The following RAB4A variants were observed in gnomAD, a reference collection of about 807,000 sequenced individuals.
RAB4A encodes the protein RAB4A, member RAS oncogene family.
A neutral mutation model predicts 34.5 loss-of-function variants in RAB4A; 20 were observed. The observed-to-expected ratio is 0.58, with a 90% CI of 0.41 to 0.84. The LOEUF is 0.84. RAB4A is among the 40% of genes least tolerant of loss of function. The pLI, the probability that RAB4A is intolerant of heterozygous loss-of-function variation, is 0.00. For missense variants in RAB4A, 228 were observed against 274.5 expected, an observed-to-expected ratio of 0.83 and a Z score of 1.20; for synonymous variants, 102 against 100.0, an observed-to-expected ratio of 1.02 and a Z score of -0.12.
intron 1 of RAB4A, among the ~76,000 whole-genome samples, chr1:229,274,051 T>C (rs1332703295): frequency 8.3e-5 from 2 of 24,152 alleles, no homozygotes; most frequent in Non-Finnish European, 1.6e-4. Context: ...TTGTTTCCCT[T>C]TTTTTTTTTT....
chr1:229,299,251 A>G (rs237778), intron 6 of RAB4A, among the ~76,000 whole-genome samples, 179 bp downstream of exon 6: 98,770 of 152,098 alleles, frequency 0.65, 32,317 homozygotes, highest in African/African-American at 0.71. Context: ...TGAAAGCCCC[A>G]TCCTTATCAG....
rs1315351700 is a variant in RAB4A at position 229,286,574 on chromosome 1, T to C, written c.112+8T>C. The C allele has an allele frequency of 6.6e-7, 1 of 1,525,496 alleles. No individual in the cohort carries two copies. Among genetic ancestry groups the C allele is most frequent in the African/African-American group, 1.4e-5 (1 of 71,642 alleles). 94.5% of individuals were successfully genotyped at this position (1,525,496 alleles called of 1,614,324 possible). A position where few individuals can be genotyped will look rare whatever the true frequency, so the allele number is the denominator to read the frequency against. On this transcript the variant is annotated splice_region_variant and intron_variant, in intron 2 of 7. Transcript: ENST00000366690. ...AGTTTATTGAAAAAAAATGTAAGTG[T>C]CATGAAATTAGTCATTCTTCCGTGC... is the stretch of plus-strand genomic sequence containing the variant.
At chr1:229,296,129 G>A (rs1333108336) in intron 4 of RAB4A, among the ~76,000 whole-genome samples, 1 of 152,238 alleles carries the variant, frequency 6.6e-6, no homozygotes, top group Admixed American at 6.5e-5. Context: ...GTGTTTGTAA[G>A]GTTTTAGGTG....
At chr1:229,282,021 C>G (rs1321412990) in intron 1 of RAB4A, among the ~76,000 whole-genome samples, 1 of 151,950 alleles carries the variant, frequency 6.6e-6, no homozygotes, top group Non-Finnish European at 1.5e-5. Context: ...TTTTTGCTTT[C>G]CATGTTCTTT....
chr1:229,276,404 A>G (rs544233883), intron 1 of RAB4A, among the ~76,000 whole-genome samples: 1 of 151,560 alleles, frequency 6.6e-6, no homozygotes, highest in Admixed American at 6.5e-5. Flanking sequence ...TTTGAACTGT[A>G]AAGTATTCCA....
At chr1:229,277,603 A>T (rs566384109) in intron 1 of RAB4A, among the ~76,000 whole-genome samples, 2 of 151,432 alleles carry the variant, frequency 1.3e-5, no homozygotes, top group South Asian at 4.2e-4. Context: ...TTTTTCAACA[A>T]GGTCATCTAT....
intron 3 of RAB4A, among the ~76,000 whole-genome samples, chr1:229,292,343 A>G (rs1416328231): frequency 2.6e-5 from 4 of 152,226 alleles, no homozygotes; most frequent in Non-Finnish European, 4.4e-5. Flanking sequence ...AGTGTTGTAA[A>G]ATAAATTTGA....
Position 229,276,338 on chromosome 1 carries a change from C to T in RAB4A, c.31+4968C>T, listed in dbSNP as rs187634066. Among the ~76,000 whole-genome samples the T allele has an allele frequency of 7.7e-4, 116 of 151,364 alleles. No homozygotes were observed. In the Middle Eastern group the frequency reaches 0.017, roughly 22 times the overall value. On this transcript the variant is annotated intron_variant, in intron 1 of 7. Coordinates refer to ENST00000366690, the MANE Select transcript of RAB4A (RefSeq NM_004578.4). ...GGGAGGCATGTAATGACTCCATGCT[C>T]GAGAACTTTGAAAGCATGGTTTTTT...
chr1:229,302,292 TATATA>T lies in RAB4A; in HGVS notation c.542-569_542-565del, dbSNP rs1657421275. ...ATATATATATATATATATATATATA[TATATA>T]TATATATATATATTTTTTTTTTTTT... On this transcript the variant is annotated intron_variant, in intron 6 of 7. Transcript: ENST00000366690. Among the ~76,000 whole-genome samples, 37 of 24,982 alleles carry T rather than the reference TATATA, an allele frequency of 1.5e-3. 1 individual carries two copies. The highest frequency in any genetic ancestry group is 5.9e-3 in the African/African-American group (28 of 4,760). 16.4% of individuals were successfully genotyped at this position (24,982 alleles called of 152,430 possible). A position where few individuals can be genotyped will look rare whatever the true frequency, so the allele number is the denominator to read the frequency against.
In RAB4A at chr1:229,286,508, T is replaced by G; in HGVS notation, c.54T>G (p.Val18=). 1.3e-6 allele frequency: 2 copies of G among 1,581,896 alleles called. No homozygotes were observed. The highest frequency in any genetic ancestry group is 1.7e-6 in the Non-Finnish European group (2 of 1,164,992). The change falls in exon 2 of 8, where the codon GTT becomes GTG. Residue 18 remains valine, a synonymous_variant. Coordinates refer to ENST00000366690, the MANE Select transcript of RAB4A (RefSeq NM_004578.4). ...CAGATTTTTTGTTTAAGTTCTTGGT[T>G]ATTGGAAATGCAGGAACTGGCAAAT... The part of the protein sequence containing the change: ...ETYDFLFKFL[V]IGNAGTGKSC...
In RAB4A at chr1:229,271,338, A is replaced by T; in HGVS notation, c.-2A>T. On this transcript the variant is annotated 5_prime_UTR_variant, in exon 1 of 8. It adds an upstream start codon to the 5' untranslated region. Coordinates refer to ENST00000366690, the MANE Select transcript of RAB4A (RefSeq NM_004578.4). The stretch of plus-strand genomic sequence containing the variant: ...CCGGCGAGAGGCGGCGCCGCTCCCA[A>T]GATGTCGCAGACGGCCATGTCCGAA... The T allele has an allele frequency of 7.7e-7, 1 of 1,302,692 alleles. No individual in the cohort carries two copies. The highest frequency in any genetic ancestry group is 9.7e-7 in the Non-Finnish European group (1 of 1,027,070). The allele number at this position is 1,302,692 out of a possible 1,614,324, so 80.7% of individuals were successfully genotyped here.
At chr1:229,300,393 A>C (rs896518737) in intron 6 of RAB4A, among the ~76,000 whole-genome samples, 2 of 152,232 alleles carry the variant, frequency 1.3e-5, no homozygotes, top group Non-Finnish European at 2.9e-5. Flanking sequence ...GAGTAATCCT[A>C]GTAAGAGATG....
chr1:229,290,137 G>C (rs1416192239), intron 3 of RAB4A, among the ~76,000 whole-genome samples: 1 of 152,186 alleles, frequency 6.6e-6, no homozygotes, highest in Non-Finnish European at 1.5e-5. Context: ...TCTTCCTCTG[G>C]AGTCCCAGAA....
chr1:229,303,122 G>C, intron 7 of RAB4A, 133 bp downstream of exon 7: 1 of 626,060 alleles, frequency 1.6e-6, no homozygotes. Context: ...CCAGCACTTT[G>C]GGAGGCTGAG....
Position 229,305,617 on chromosome 1 carries a change from A to G in RAB4A, c.*1824A>G, listed in dbSNP as rs2069373. On this transcript the variant is annotated 3_prime_UTR_variant, in exon 8 of 8. Coordinates refer to ENST00000366690, the MANE Select transcript of RAB4A (RefSeq NM_004578.4). ...TGTTTCTATTTCCCGCAACTCATTA[A>G]GTTTTCAGGAAGCTCTTAATTTAGA... The G allele has an allele frequency of 0.017, 3,130 of 186,382 alleles. 37 individuals are homozygous for G. Among genetic ancestry groups the G allele is most frequent in the Middle Eastern group, 0.034 (16 of 476 alleles). 11.5% of individuals were successfully genotyped at this position (186,382 alleles called of 1,614,324 possible).
At position 229,297,654 on chromosome 1, in the gene RAB4A, T is replaced by C; in HGVS notation, c.445+18T>C. 1 of 1,549,402 alleles carries C rather than the reference T, an allele frequency of 6.5e-7. No individual in the cohort carries two copies. ...AGAAAATGGCAAGTGACCTTTTACT[T>C]CTTACTATTTTTCAAATCGCATATT... On this transcript the variant is annotated intron_variant, in intron 5 of 7. Coordinates refer to ENST00000366690, the MANE Select transcript of RAB4A (RefSeq NM_004578.4).
chr1:229,299,555 C>A (rs1657329597), intron 6 of RAB4A, among the ~76,000 whole-genome samples: 4 of 152,058 alleles, frequency 2.6e-5, no homozygotes, highest in African/African-American at 9.7e-5. Context: ...GAGCATGCCT[C>A]AATTATAAAA....
intron 3 of RAB4A, among the ~76,000 whole-genome samples, chr1:229,289,430 A>G (rs944395301): frequency 6.6e-6 from 1 of 152,264 alleles, no homozygotes; most frequent in Non-Finnish European, 1.5e-5. Context: ...CAAAGTCAGA[A>G]CTGATATTCA....
chr1:229,274,655 C>T (rs920348877), intron 1 of RAB4A, among the ~76,000 whole-genome samples: 68 of 152,228 alleles, frequency 4.5e-4, no homozygotes, highest in Admixed American at 4.4e-3. Flanking sequence ...TCCCAAGGAA[C>T]TCTGCTTCAG....
Sources: gnomAD v4.1 joint callset for allele counts (sites outside exome capture counted in the v4.1 genomes callset) on GRCh38, gnomAD v4.1.1 for gene constraint, MANE v1.5 for transcripts, NCBI Gene and HGNC (gene_info 2026-07-23, HGNC 2026-07-21) for gene names.